The following EPB41L3 variants were observed in gnomAD, a reference collection of about 807,000 sequenced individuals.
EPB41L3 encodes the protein erythrocyte membrane protein band 4.1 like 3, also known as band 4.1-like protein 3.
A neutral mutation model predicts 127.1 loss-of-function variants in EPB41L3; 57 were observed. That is an observed-to-expected ratio of 0.45 (90% CI 0.36 to 0.56). The LOEUF (loss-of-function observed/expected upper bound fraction) is 0.56. Ranked by LOEUF, EPB41L3 falls within the 20% of genes least tolerant of loss-of-function variation. The pLI, the probability that EPB41L3 is intolerant of heterozygous loss-of-function variation, is 0.00. For synonymous variants in EPB41L3, 572 were observed against 549.5 expected (o/e 1.04, Z -0.57); for missense variants, 1,273 against 1,372.2 (o/e 0.93, Z 1.14).
chr18:5,600,802 T>G (rs2094582606), intron 3 of EPB41L3, among the ~76,000 whole-genome samples: 1 of 152,196 alleles, frequency 6.6e-6, no homozygotes, highest in South Asian at 2.1e-4. Context: ...GTTACCAAGC[T>G]GCCGCTGCAG....
At chr18:5,433,673 C>T (rs1306889527) in intron 7 of EPB41L3, 117 bp from the exon 8 acceptor site, 1 of 945,148 alleles carries the variant, frequency 1.1e-6, no homozygotes, top group Non-Finnish European at 1.6e-6. Flanking sequence ...CCAGCAGATA[C>T]ATGAGAAAAG....
intron 13 of EPB41L3, among the ~76,000 whole-genome samples, chr18:5,412,407 G>C (rs2076306642): frequency 6.6e-6 from 1 of 151,996 alleles, no homozygotes; most frequent in African/African-American, 2.4e-5. Context: ...TGTACTTTTA[G>C]TAGAGGCAGG....
chr18:5,557,346 A>C (rs1308051006), intron 3 of EPB41L3, among the ~76,000 whole-genome samples: 1 of 152,192 alleles, frequency 6.6e-6, no homozygotes, highest in Admixed American at 6.5e-5. Flanking sequence ...CACACAATTC[A>C]AAAAAGTTTA....
chr18:5,465,064 C>G (rs2084712178), intron 3 of EPB41L3, among the ~76,000 whole-genome samples: 1 of 152,220 alleles, frequency 6.6e-6, no homozygotes, highest in South Asian at 2.1e-4. Context: ...TAAACACCTA[C>G]TGATTTCTGA....
intron 1 of EPB41L3, among the ~76,000 whole-genome samples, chr18:5,524,573 T>G (rs2093147536): frequency 6.6e-6 from 1 of 152,066 alleles, no homozygotes; most frequent in African/African-American, 2.4e-5. Context: ...TTTGGCCATT[T>G]CCATTGGTCA....
intron 16 of EPB41L3, chr18:5,398,381 T>C: frequency 3.9e-6 from 2 of 514,866 alleles, no homozygotes; most frequent in Non-Finnish European, 6.8e-6. Context: ...TAAGCAGATA[T>C]ATATATTTTT....
intron 8 of EPB41L3, among the ~76,000 whole-genome samples, chr18:5,432,811 G>A (rs1051779654): frequency 2.6e-5 from 4 of 152,158 alleles, no homozygotes; most frequent in Admixed American, 1.3e-4. Context: ...ACCAGTCAAC[G>A]AAGCAAACCT....
chr18:5,455,228 G>A (rs1355580865), intron 3 of EPB41L3, among the ~76,000 whole-genome samples: 3 of 151,722 alleles, frequency 2.0e-5, no homozygotes, highest in Non-Finnish European at 4.4e-5. Flanking sequence ...AGAGACTGAT[G>A]TACTATTAAA....
intron 1 of EPB41L3, among the ~76,000 whole-genome samples, chr18:5,525,614 G>A (rs1240688837): frequency 1.3e-5 from 2 of 152,056 alleles, no homozygotes; most frequent in Non-Finnish European, 2.9e-5. Flanking sequence ...TCCCAAATCT[G>A]ATCTAAAACT....
At chr18:5,591,518 C>T (rs1180832665) in intron 3 of EPB41L3, among the ~76,000 whole-genome samples, 1 of 152,044 alleles carries the variant, frequency 6.6e-6, no homozygotes, top group African/African-American at 2.4e-5. Context: ...GTAAAAGGTC[C>T]CATCTTCTAA....
intron 9 of EPB41L3, among the ~76,000 whole-genome samples, chr18:5,426,551 A>C (rs1277896566): frequency 6.6e-6 from 1 of 152,212 alleles, no homozygotes; most frequent in Non-Finnish European, 1.5e-5. Context: ...ATCATTCCAA[A>C]ATATTCACCT....
intron 3 of EPB41L3, among the ~76,000 whole-genome samples, chr18:5,559,928 T>G (rs2094100416): frequency 6.6e-6 from 1 of 152,248 alleles, no homozygotes; most frequent in South Asian, 2.1e-4. Context: ...TTAAAATTTT[T>G]GCCTTTATGC....
chr18:5,554,489 G>A (rs1001821542), intron 3 of EPB41L3, among the ~76,000 whole-genome samples: 1 of 152,160 alleles, frequency 6.6e-6, no homozygotes, highest in Non-Finnish European at 1.5e-5. Flanking sequence ...AGGGAATGGT[G>A]GATATATGAT....
At chr18:5,452,334 C>A (rs1190379996) in intron 3 of EPB41L3, among the ~76,000 whole-genome samples, 3 of 151,246 alleles carry the variant, frequency 2.0e-5, no homozygotes. Context: ...TTCATAGTTG[C>A]ATTACAGTAA....
chr18:5,397,019 TTTA>T lies in EPB41L3; in HGVS notation c.2841+36_2841+38del. On this transcript the variant is annotated intron_variant, in intron 18 of 22. Coordinates refer to ENST00000341928, the MANE Select transcript of EPB41L3 (RefSeq NM_012307.5). The surrounding 1 kb of genome is among the most constrained non-coding windows in gnomAD (Gnocchi z 4.1). ...AAATTTCCAGGCATCCTATATCAGT[TTTA>T]TTTTAGTGATAAAAGTAACATTTAC... is the stretch of plus-strand genomic sequence containing the variant. 6.6e-7 allele frequency: 1 copy of T among 1,513,040 alleles called. No individual in the cohort carries two copies. The highest frequency in any genetic ancestry group is 1.9e-5 in the African/African-American group (1 of 52,472). 93.7% of individuals were successfully genotyped at this position (1,513,040 alleles called of 1,614,324 possible).
intron 13 of EPB41L3, among the ~76,000 whole-genome samples, chr18:5,415,361 A>G (rs2076669056): frequency 6.6e-6 from 1 of 152,218 alleles, no homozygotes; most frequent in Non-Finnish European, 1.5e-5. Context: ...TTGCAACTTT[A>G]GAAAGCTACC....
chr18:5,551,556 CA>C (rs2093964977), intron 3 of EPB41L3, among the ~76,000 whole-genome samples: 1 of 152,048 alleles, frequency 6.6e-6, no homozygotes, highest in African/African-American at 2.4e-5. Context: ...GAGACCCCAA[CA>C]AAAAATTTTA....
chr18:5,552,065 C>A (rs2093974074), intron 3 of EPB41L3, among the ~76,000 whole-genome samples: 2 of 152,214 alleles, frequency 1.3e-5, no homozygotes, highest in African/African-American at 4.8e-5. Context: ...ACATTGATAA[C>A]AAGCACTTAT....
chr18:5,436,132 T>A (rs541433558), intron 6 of EPB41L3, among the ~76,000 whole-genome samples: 1 of 152,180 alleles, frequency 6.6e-6, no homozygotes, highest in South Asian at 2.1e-4. Flanking sequence ...CCAAGGTAAG[T>A]GTTAACATTG....
Sources: gnomAD v4.1 joint callset for allele counts (sites outside exome capture counted in the v4.1 genomes callset) on GRCh38, gnomAD v4.1.1 for gene constraint, Gnocchi (gnomAD v3.1) non-coding constraint, MANE v1.5 for transcripts, NCBI Gene and HGNC (gene_info 2026-07-23, HGNC 2026-07-21) for gene names.